CBY1: variants seen among roughly 807,000 people sequenced by gnomAD.
The protein encoded by CBY1 is chibby 1, beta catenin antagonist.
In CBY1, 10 loss-of-function variants were observed where a neutral mutation model predicts 15.6. That is an observed-to-expected ratio of 0.64 (90% confidence interval 0.40 to 1.09). The LOEUF is 1.09. CBY1 is among the 50% of genes least tolerant of loss of function. The pLI is 0.01. For missense variants in CBY1, 150 were observed against 160.5 expected, an observed-to-expected ratio of 0.93 and a Z score of 0.35; for synonymous variants, 61 against 63.5, an observed-to-expected ratio of 0.96 and a Z score of 0.19.
chr22:38,665,696 T>C, intron 1 of CBY1: 1 of 1,228,278 alleles, frequency 8.1e-7, no homozygotes, highest in Non-Finnish European at 1.0e-6. Flanking sequence ...GTGAGGCTTA[T>C]GGAGTGCTGA....
intron 2 of CBY1, 145 bp from the exon 3 acceptor site, chr22:38,670,738 AT>A: frequency 1.6e-6 from 1 of 633,638 alleles, no homozygotes; most frequent in Non-Finnish European, 2.8e-6. Flanking sequence ...ACATCATTTG[AT>A]TTTATGGCTT....
chr22:38,657,757 C>T (rs528545422), intron 1 of CBY1, among the ~76,000 whole-genome samples: 2 of 152,156 alleles, frequency 1.3e-5, no homozygotes, highest in Non-Finnish European at 2.9e-5. Flanking sequence ...AAGGGGAGAG[C>T]CAGGCCCCTA....
Position 38,673,204 on chromosome 22 carries a change from G to C in CBY1, c.349G>C (p.Asp117His). The change falls in exon 5 of 5, where the codon GAT becomes CAT. Residue 117 changes from aspartate (D) to histidine (H), a missense_variant. Transcript: ENST00000216029. The part of the protein sequence containing the change: ...AESHLMEKEL[D>H]ELRISRKRK ...ATCCCACTTAATGGAGAAGGAACTG[G>C]ATGAACTGAGGATCAGCCGGAAGAG... 1 of 1,612,898 alleles carries C rather than the reference G, an allele frequency of 6.2e-7. No homozygotes were observed. The highest frequency in any genetic ancestry group is 1.7e-5 in the Admixed American group (1 of 60,008).
At position 38,671,075 on chromosome 22, in the gene CBY1, G is replaced by A; in HGVS notation, c.190G>A (p.Gly64Arg). The A allele has an allele frequency of 6.2e-7, 1 of 1,614,126 alleles. No individual in the cohort carries two copies. The highest frequency in any genetic ancestry group is 8.5e-7 in the Non-Finnish European group (1 of 1,179,906). The change falls in exon 4 of 5, where the codon GGG becomes AGG. Residue 64 changes from glycine (G) to arginine (R), a missense_variant. Physicochemically the swap from Gly to Arg is moderately radical, Grantham distance 125. Transcript: ENST00000216029. ...FENGQWIAET[G>R]VSGGVDRREV... is the part of the protein sequence containing the mutation. ...TGGTTCTGTCCTTCCTCCAGAGACA[G>A]GGGTTAGTGGCGGTGTGGACCGGAG...
intron 2 of CBY1, chr22:38,670,152 C>A (rs939550595): frequency 2.0e-5 from 3 of 152,238 alleles, no homozygotes; most frequent in African/African-American, 7.2e-5. Flanking sequence ...GTTGCTTGAA[C>A]CTGGGAGGCA....
intron 1 of CBY1, chr22:38,665,707 A>G (rs1030984457): frequency 1.6e-6 from 2 of 1,229,768 alleles, no homozygotes; most frequent in Non-Finnish European, 2.0e-6. Flanking sequence ...GGAGTGCTGA[A>G]ATGCTCTGTA....
At chr22:38,671,417 G>T in intron 4 of CBY1, 2 of 536,228 alleles carry the variant, frequency 3.7e-6, no homozygotes, top group Non-Finnish European at 6.7e-6. Context: ...GTCTGCACAG[G>T]ATCTGCACAG....
Position 38,667,940 on chromosome 22 carries a change from A to G in CBY1, c.-38-77A>G, listed in dbSNP as rs2092441587. ...CGTTAGTAGCCACATGATAAAATGT[A>G]TGTCTTCAAGATTTGAAGACAATGG... is the stretch of plus-strand genomic sequence containing the variant. On this transcript the variant is annotated intron_variant, in intron 1 of 4. Transcript: ENST00000216029. 3 of 725,350 alleles carry G rather than the reference A, an allele frequency of 4.1e-6. No homozygotes were observed. In the South Asian group the frequency reaches 5.0e-5, roughly 12 times the overall value. The allele number at this position is 725,350 out of a possible 1,614,324, so 44.9% of individuals were successfully genotyped here.
intron 2 of CBY1, chr22:38,670,646 A>G (rs984864989): frequency 1.1e-4 from 48 of 437,680 alleles, no homozygotes; most frequent in Non-Finnish European, 1.4e-4. Flanking sequence ...CAATTTATAA[A>G]TTTCAGTATA....
chr22:38,658,612 G>A (rs2092412602), intron 1 of CBY1, among the ~76,000 whole-genome samples: 1 of 151,792 alleles, frequency 6.6e-6, no homozygotes, highest in African/African-American at 2.4e-5. Flanking sequence ...GAATAGATGG[G>A]ACTACAGGCT....
rs1276653451 is a variant in CBY1 at position 38,656,692 on chromosome 22, A to G, written c.-97A>G. On this transcript the variant is annotated 5_prime_UTR_variant, in exon 1 of 5. Coordinates refer to ENST00000216029, the MANE Select transcript of CBY1 (RefSeq NM_015373.4). Reference sequence around the variant, plus strand: ...GGGTGGGTCAAGGTAACTCTGGGCTACAGAGTCCTTGCTGGGGGTTCGGGG... The same window carrying G: ...GGGTGGGTCAAGGTAACTCTGGGCTGCAGAGTCCTTGCTGGGGGTTCGGGG... 6.6e-6 allele frequency: 1 copy of G among 152,164 alleles called. No individual in the cohort carries two copies. Among genetic ancestry groups the G allele is most frequent in the African/African-American group, 2.4e-5 (1 of 41,410 alleles). 9.4% of individuals were successfully genotyped at this position (152,164 alleles called of 1,614,324 possible). A position where few individuals can be genotyped will look rare whatever the true frequency, so the allele number is the denominator to read the frequency against.
intron 1 of CBY1, chr22:38,665,696 T>A: frequency 1.6e-6 from 2 of 1,228,278 alleles, no homozygotes; most frequent in Middle Eastern, 3.1e-4. Context: ...GTGAGGCTTA[T>A]GGAGTGCTGA....
At chr22:38,667,313 CTT>C (rs998646468) in intron 1 of CBY1, among the ~76,000 whole-genome samples, 9 of 148,394 alleles carry the variant, frequency 6.1e-5, no homozygotes, top group African/African-American at 2.2e-4. Context: ...GCCAGGCTAA[CTT>C]TTTTTTTTTG....
chr22:38,671,970 A>G (rs9611004), intron 4 of CBY1, among the ~76,000 whole-genome samples: 1 of 149,388 alleles, frequency 6.7e-6, no homozygotes, highest in Non-Finnish European at 1.5e-5. Flanking sequence ...TTTTTTTTTT[A>G]AAAAAGGACT....
intron 1 of CBY1, among the ~76,000 whole-genome samples, chr22:38,663,658 T>C (rs1332986141): frequency 7.1e-6 from 1 of 140,908 alleles, no homozygotes; most frequent in Non-Finnish European, 1.5e-5. Flanking sequence ...ATGGCGCCAT[T>C]GCACTTCAGC....
rs551307002 is a variant in CBY1, at chr22:38,673,269, G to A, written c.*33G>A. 2.1e-4 allele frequency: 305 copies of A among 1,448,690 alleles called. 3 individuals are homozygous for A. In the South Asian group the frequency reaches 3.3e-3, roughly 16 times the overall value. 89.7% of individuals were successfully genotyped at this position (1,448,690 alleles called of 1,614,324 possible). ...AGAGACATTTATTGGGGAGTAGGAT[G>A]TGGCTGAGTGCTTTTTTTTTGGCCA... On this transcript the variant is annotated 3_prime_UTR_variant, in exon 5 of 5. Coordinates refer to ENST00000216029, the MANE Select transcript of CBY1 (RefSeq NM_015373.4).
intron 2 of CBY1, chr22:38,670,320 G>C (rs199992181): frequency 6.6e-6 from 1 of 152,190 alleles, no homozygotes; most frequent in Non-Finnish European, 1.5e-5. Flanking sequence ...ACTTGAACCC[G>C]GGAGGCGGAG....
chr22:38,663,988 C>CT (rs1198126732), intron 1 of CBY1, among the ~76,000 whole-genome samples: 1 of 150,618 alleles, frequency 6.6e-6, no homozygotes, highest in Non-Finnish European at 1.5e-5. Context: ...CACCACTGCA[C>CT]TCCAGCCTGG....
chr22:38,657,733 C>T (rs916638077), intron 1 of CBY1, among the ~76,000 whole-genome samples: 3 of 152,178 alleles, frequency 2.0e-5, no homozygotes, highest in Non-Finnish European at 4.4e-5. Context: ...GGGCCAAGGT[C>T]TAGCAGGCAA....
Sources: allele counts gnomAD v4.1 joint callset (sites outside exome capture counted in the v4.1 genomes callset), GRCh38; gene constraint gnomAD v4.1.1; transcripts MANE v1.5; gene names NCBI Gene and HGNC (gene_info 2026-07-23, HGNC 2026-07-21).